OR2J2: variants seen among roughly 807,000 people sequenced by gnomAD.
OR2J2 encodes the protein olfactory receptor 2J2.
Under a neutral mutation model 16.9 loss-of-function variants are expected in OR2J2, and 13 were observed. The observed-to-expected ratio is 0.77, with a 90% CI of 0.50 to 1.23. The LOEUF is 1.23. Among genes scored for constraint, OR2J2 ranks in the 50% most tolerant of loss-of-function variants. The pLI is 0.00. For synonymous variants in OR2J2, 125 were observed against 141.2 expected, an observed-to-expected ratio of 0.89 and a Z score of 0.81; for missense variants, 341 against 379.1, an observed-to-expected ratio of 0.90 and a Z score of 0.84.
chr6:29,174,451 C>A lies in OR2J2; in HGVS notation c.816C>A (p.Gly272=), dbSNP rs1015755213. 3.1e-6 allele frequency: 5 copies of A among 1,613,846 alleles called. No individual in the cohort carries two copies. The African/African-American group carries it at 5.3e-5, about 17-fold the overall frequency. ...QPPSENSPDQ[G]KFIALFYTVV... ...CATCAGAAAATTCTCCTGATCAGGG[C>A]AAGTTCATTGCCCTCTTTTATACTG... Residue 272 remains glycine, a synonymous_variant, in exon 2 of 2, where the codon GGC becomes GGA. Coordinates refer to ENST00000641417, the MANE Select transcript of OR2J2 (RefSeq NM_030905.3).
chr6:29,173,693 A>G lies in OR2J2; in HGVS notation c.58A>G (p.Asn20Asp). The G allele has an allele frequency of 6.2e-7, 1 of 1,613,068 alleles. No homozygotes were observed. Residue 20 changes from asparagine to aspartate, a missense_variant, in exon 2 of 2, where the codon AAT becomes GAT. Coordinates refer to ENST00000641417, the MANE Select transcript of OR2J2 (RefSeq NM_030905.3). ...EDFFILLGFS[N>D]WPQLEVVLFV... ...CTTCTTTATTCTACTTGGATTTTCT[A>G]ATTGGCCTCAGCTGGAAGTAGTTCT...
chr6:29,171,376 A>C (rs1261910108), intron 1 of OR2J2, among the ~76,000 whole-genome samples: 1 of 152,146 alleles, frequency 6.6e-6, no homozygotes, highest in Non-Finnish European at 1.5e-5. Context: ...GATGTGACAC[A>C]AATTGGCATA....
intron 1 of OR2J2, among the ~76,000 whole-genome samples, chr6:29,172,139 A>G (rs3130741): frequency 0.44 from 66,582 of 151,796 alleles, 16,863 homozygotes; most frequent in Non-Finnish European, 0.56. Context: ...TGCAACCTCC[A>G]CCTCCTGGGT....
chr6:29,173,464 T>C (rs1765609572), intron 1 of OR2J2, 155 bp from the exon 2 acceptor site: 8 of 539,580 alleles, frequency 1.5e-5, no homozygotes, highest in Non-Finnish European at 2.3e-5. Flanking sequence ...TGGATAAATA[T>C]CTCAATGAAG....
In OR2J2 at chr6:29,174,723, ATTTAG is replaced by A; in HGVS notation, c.*152_*156del. 1 of 571,068 alleles carries A rather than the reference ATTTAG, an allele frequency of 1.8e-6. No individual in the cohort carries two copies. The highest frequency in any genetic ancestry group is 2.9e-6 in the Non-Finnish European group (1 of 341,302). The allele number at this position is 571,068 out of a possible 1,614,324, so 35.4% of individuals were successfully genotyped here. A position where few individuals can be genotyped will look rare whatever the true frequency, so the allele number is the denominator to read the frequency against. Reference sequence around the variant, plus strand: ...TCTCACATTTGTTGCTCTTTTTATTATTTAGTTCTGAAATATTATGTTGAGATAAA... The same window carrying A: ...TCTCACATTTGTTGCTCTTTTTATTATTCTGAAATATTATGTTGAGATAAA... On this transcript the variant is annotated 3_prime_UTR_variant, in exon 2 of 2. Transcript: ENST00000641417.
Position 29,174,331 on chromosome 6 carries a change from C to T in OR2J2, c.696C>T (p.Thr232=), listed in dbSNP as rs377008762. 6.2e-7 allele frequency: 1 copy of T among 1,613,808 alleles called. No homozygotes were observed. The highest frequency in any genetic ancestry group is 8.5e-7 in the Non-Finnish European group (1 of 1,179,916). The change falls in exon 2 of 2, where the codon ACC becomes ACT. Residue 232 remains threonine, a synonymous_variant. Transcript: ENST00000641417. ...GGGCTGTACTGAGCATGCAATCAAC[C>T]ACTGGGCTTCAGAAAGTGTTTAGGA... is the stretch of plus-strand genomic sequence containing the variant. ...IARAVLSMQS[T]TGLQKVFRTC... is the part of the protein sequence containing the mutation.
chr6:29,174,657 T>A lies in OR2J2; in HGVS notation c.*83T>A. On this transcript the variant is annotated 3_prime_UTR_variant, in exon 2 of 2. Coordinates refer to ENST00000641417, the MANE Select transcript of OR2J2 (RefSeq NM_030905.3). ...AGGTGGTTTCCCTGCTTCTTTGTGA[T>A]TTATTTTTGTTCTAACAGCTCACAA... 1 of 1,103,852 alleles carries A rather than the reference T, an allele frequency of 9.1e-7. No homozygotes were observed. Among genetic ancestry groups the A allele is most frequent in the South Asian group, 1.6e-5 (1 of 62,088 alleles). 68.4% of individuals were successfully genotyped at this position (1,103,852 alleles called of 1,614,324 possible).
Position 29,173,900 on chromosome 6 carries a change from C to G in OR2J2, c.265C>G (p.Pro89Ala), listed in dbSNP as rs1248721569. 1 of 1,612,058 alleles carries G rather than the reference C, an allele frequency of 6.2e-7. No homozygotes were observed. Among genetic ancestry groups the G allele is most frequent in the Admixed American group, 1.7e-5 (1 of 59,638 alleles). ...TCAGTTGCTGGTGAATCTCCGGGGC[C>G]CGGAAAAGACCATCTCGTATGCTGG... ...IPQLLVNLRGPEKTISYAGCM... is the reference protein window; with the variant it reads ...IPQLLVNLRGAEKTISYAGCM... Residue 89 changes from proline to alanine, a missense_variant, in exon 2 of 2, where the codon CCG (proline) becomes GCG (alanine). By Grantham distance (27) the Pro-to-Ala change is conservative. Coordinates refer to ENST00000641417, the MANE Select transcript of OR2J2 (RefSeq NM_030905.3).
intron 1 of OR2J2, among the ~76,000 whole-genome samples, chr6:29,172,034 A>T (rs1480218893): frequency 6.6e-6 from 1 of 152,040 alleles, no homozygotes; most frequent in Non-Finnish European, 1.5e-5. Context: ...GTTTTTCAAA[A>T]CACTGAAGGT....
rs191240319 is a variant in OR2J2 at position 29,174,053 on chromosome 6, C to T, written c.418C>T (p.Arg140Cys). Residue 140 changes from arginine to cysteine, a missense_variant, in exon 2 of 2, where the codon CGT becomes TGT. Transcript: ENST00000641417. ...GCATTACACTGTCCTCATGCACCCT[C>T]GTTTCTGCCACTTGTTGGTTGCGGC... The part of the protein sequence containing the change: ...PLHYTVLMHP[R>C]FCHLLVAASW... The T allele has an allele frequency of 1.8e-5, 29 of 1,613,414 alleles. 1 individual carries two copies. Among genetic ancestry groups the T allele is most frequent in the African/African-American group, 1.7e-4 (13 of 74,834 alleles).
intron 1 of OR2J2, among the ~76,000 whole-genome samples, chr6:29,172,571 C>A (rs1190635532): frequency 6.6e-6 from 1 of 152,020 alleles, no homozygotes; most frequent in African/African-American, 2.4e-5. Flanking sequence ...GCTATCAAAG[C>A]ATATTTGAAT....
intron 1 of OR2J2, among the ~76,000 whole-genome samples, chr6:29,171,351 T>C (rs557522732): frequency 6.6e-6 from 1 of 152,098 alleles, no homozygotes; most frequent in African/African-American, 2.4e-5. Context: ...AAACCAGATA[T>C]AGTATAAAGG....
In OR2J2 at chr6:29,173,748, T is replaced by A; in HGVS notation, c.113T>A (p.Met38Lys). 1 of 1,613,846 alleles carries A rather than the reference T, an allele frequency of 6.2e-7. No homozygotes were observed. Among genetic ancestry groups the A allele is most frequent in the Non-Finnish European group, 8.5e-7 (1 of 1,179,938 alleles). The change falls in exon 2 of 2, where the codon ATG becomes AAG. Residue 38 changes from methionine (M) to lysine (K), a missense_variant. Coordinates refer to ENST00000641417, the MANE Select transcript of OR2J2 (RefSeq NM_030905.3). ...LFVVILIFYL[M>K]TLTGNLFIII... is the part of the protein sequence containing the mutation. ...GTGGTTATCTTGATCTTCTACCTGA[T>A]GACACTGACAGGAAACCTGTTCATC...
rs1765506722 is a variant in OR2J2 at position 29,171,875 on chromosome 6, A to C, written c.-18+770A>C. Reference sequence around the variant, plus strand: ...CATTCCATTACCAACAATATGGAAAAATGTACAGTATCTTTGTACCAGTCT... The same window carrying C: ...CATTCCATTACCAACAATATGGAAACATGTACAGTATCTTTGTACCAGTCT... On this transcript the variant is annotated intron_variant, in intron 1 of 1. Transcript: ENST00000641417. Among the ~76,000 whole-genome samples the C allele has an allele frequency of 2.0e-5, 3 of 152,252 alleles. No homozygotes were observed. The South Asian group carries it at 6.2e-4, about 32-fold the overall frequency.
Position 29,173,787 on chromosome 6 carries a change from A to G in OR2J2, c.152A>G (p.Tyr51Cys). ...TGNLFIIILS[Y>C]VDSHLHTPMY... ...AACCTGTTCATCATCATCCTGTCATACGTGGACTCCCATCTCCACACACCA... is the reference window on the plus strand; with the variant it reads ...AACCTGTTCATCATCATCCTGTCATGCGTGGACTCCCATCTCCACACACCA... Residue 51 changes from tyrosine to cysteine, a missense_variant, in exon 2 of 2, where the codon TAC becomes TGC. Coordinates refer to ENST00000641417, the MANE Select transcript of OR2J2 (RefSeq NM_030905.3). 1.2e-6 allele frequency: 2 copies of G among 1,613,684 alleles called. No homozygotes were observed. Among genetic ancestry groups the G allele is most frequent in the Non-Finnish European group, 1.7e-6 (2 of 1,179,936 alleles).
rs1313133802 is a variant in OR2J2 at position 29,173,536 on chromosome 6, G to A, written c.-17-83G>A. ...TATGGTGCACACTCTCTGGAAGTGG[G>A]ATACTTTTGTCTTCAATCTGTTTGC... On this transcript the variant is annotated intron_variant, in intron 1 of 1. Transcript: ENST00000641417. 1.3e-5 allele frequency: 11 copies of A among 849,004 alleles called. No individual in the cohort carries two copies. The Admixed American group carries it at 1.4e-4, about 11-fold the overall frequency. 52.6% of individuals were successfully genotyped at this position (849,004 alleles called of 1,614,324 possible).
In OR2J2 at chr6:29,174,075, C is replaced by A. The variant is rs754259332; in HGVS notation, c.440C>A (p.Ala147Glu). ...CCTCGTTTCTGCCACTTGTTGGTTG[C>A]GGCTTCTTGGGTAATTGGTTTTACT... Reference protein sequence around the residue: ...MHPRFCHLLVAASWVIGFTIS... With the variant: ...MHPRFCHLLVEASWVIGFTIS... Residue 147 changes from alanine (A) to glutamate (E), a missense_variant, in exon 2 of 2, where the codon GCG (alanine) becomes GAG (glutamate). By Grantham distance (107) the Ala-to-Glu change is moderately radical. Coordinates refer to ENST00000641417, the MANE Select transcript of OR2J2 (RefSeq NM_030905.3). 7.4e-6 allele frequency: 12 copies of A among 1,613,436 alleles called. 1 individual carries two copies. In the South Asian group the frequency reaches 1.3e-4, roughly 18 times the overall value.
rs1487525937 is a variant in OR2J2, at chr6:29,175,368, G to C, written c.*794G>C. The C allele has an allele frequency of 6.6e-6, 1 of 152,176 alleles. No homozygotes were observed. Among genetic ancestry groups the C allele is most frequent in the African/African-American group, 2.4e-5 (1 of 41,428 alleles). 9.4% of individuals were successfully genotyped at this position (152,176 alleles called of 1,614,324 possible). ...GCAACATAAAAGATGAAGTATCTGTGCATGGCTTAATTTGTCACTGGGGGT... is the reference window on the plus strand; with the variant it reads ...GCAACATAAAAGATGAAGTATCTGTCCATGGCTTAATTTGTCACTGGGGGT... On this transcript the variant is annotated 3_prime_UTR_variant, in exon 2 of 2. Transcript: ENST00000641417.
chr6:29,171,620 C>A (rs901606819), intron 1 of OR2J2, among the ~76,000 whole-genome samples: 1 of 151,838 alleles, frequency 6.6e-6, no homozygotes, highest in African/African-American at 2.4e-5. Context: ...TTATCAACTC[C>A]GGAGGAATGC....
Sources: gnomAD v4.1 joint callset for allele counts (sites outside exome capture counted in the v4.1 genomes callset) on GRCh38, gnomAD v4.1.1 for gene constraint, MANE v1.5 for transcripts, NCBI Gene and HGNC (gene_info 2026-07-23, HGNC 2026-07-21) for gene names.